The following SET variants were observed in gnomAD, a reference collection of about 807,000 sequenced individuals.
SET encodes protein SET.
A neutral mutation model predicts 39.0 loss-of-function variants in SET; 4 were observed. The observed-to-expected ratio is 0.10, with a 90% CI of 0.05 to 0.23. The LOEUF (loss-of-function observed/expected upper bound fraction) is 0.23. Ranked by LOEUF, SET falls within the 10% of genes least tolerant of loss-of-function variation. The pLI, the probability that SET is intolerant of heterozygous loss-of-function variation, is 1.00. For missense variants in SET, 137 were observed against 329.7 expected, an observed-to-expected ratio of 0.42 and a Z score of 4.53; for synonymous variants, 114 against 115.9, an observed-to-expected ratio of 0.98 and a Z score of 0.11.
intron 3 of SET, 160 bp from the exon 4 acceptor site, chr9:128,692,502 G>T (rs1160585424): frequency 5.9e-6 from 3 of 512,264 alleles, no homozygotes; most frequent in East Asian, 3.5e-5. Context: ...CTTGATGAAA[G>T]ATAGTGACAG....
chr9:128,693,524 A>C, intron 5 of SET, 114 bp from the exon 6 acceptor site: 1 of 1,042,514 alleles, frequency 9.6e-7, no homozygotes, highest in Non-Finnish European at 1.4e-6. Flanking sequence ...TAGCGTAGAT[A>C]GTATACTGAT....
intron 1 of SET, chr9:128,690,006 AGCC>A (rs759628911): frequency 2.1e-4 from 216 of 1,029,080 alleles, no homozygotes; most frequent in South Asian, 9.2e-4. Context: ...CGCTCCCATC[AGCC>A]GCCGCCGCCG....
At chr9:128,683,976 A>C (rs1280523784) in exon 1 of SET, 3 of 1,556,398 alleles carry the variant, frequency 1.9e-6, no homozygotes. Context: ...CGGAGGAGAC[A>C]TCGGCCTCTG....
chr9:128,691,647 A>G (rs970427484), intron 2 of SET, among the ~76,000 whole-genome samples: 28 of 152,150 alleles, frequency 1.8e-4, no homozygotes, highest in African/African-American at 5.3e-4. Context: ...GAGTTTGGGC[A>G]CTCTTAACAG....
chr9:128,687,608 C>T (rs1215589944), upstream of SET, among the ~76,000 whole-genome samples: 28 of 116,254 alleles, frequency 2.4e-4, no homozygotes, highest in African/African-American at 8.9e-4. Flanking sequence ...ACTTGGTCCC[C>T]TCCCCCACCA....
chr9:128,684,517 A>C (rs1373935091), upstream of SET, among the ~76,000 whole-genome samples: 2 of 151,034 alleles, frequency 1.3e-5, no homozygotes, highest in Non-Finnish European at 2.9e-5. Flanking sequence ...CACGTGGCCC[A>C]CTCCCCGGCT....
intron 3 of SET, among the ~76,000 whole-genome samples, 166 bp downstream of exon 3, chr9:128,692,166 C>T (rs1288371857): frequency 6.6e-6 from 1 of 152,088 alleles, no homozygotes; most frequent in East Asian, 1.9e-4. Flanking sequence ...GTGGGTGGAT[C>T]ACTTGAGGTC....
intron 1 of SET, 38 bp downstream of exon 1, chr9:128,689,693 A>C: frequency 1.5e-6 from 1 of 656,618 alleles, no homozygotes; most frequent in African/African-American, 2.0e-5. Flanking sequence ...CCGCGCCGCC[A>C]TCTTCGCCGC....
chr9:128,692,323 G>A (rs1861567669), intron 3 of SET: 1 of 284,584 alleles, frequency 3.5e-6, no homozygotes, highest in Non-Finnish European at 6.6e-6. Flanking sequence ...CTTGAACCCA[G>A]GAGGGGGAGG....
In SET at chr9:128,689,234, G is replaced by C. The variant is rs1469638109; in HGVS notation, c.-349G>C. 1.0e-6 allele frequency: 1 copy of C among 998,824 alleles called. No individual in the cohort carries two copies. The highest frequency in any genetic ancestry group is 1.2e-6 in the Non-Finnish European group (1 of 838,294). 61.9% of individuals were successfully genotyped at this position (998,824 alleles called of 1,614,324 possible). On this transcript the variant is annotated 5_prime_UTR_variant, in exon 1 of 8. Transcript: ENST00000322030. ...GCCCTGCGCCCGCCCCTCGCCGTAG[G>C]AGGAGGTGGAGGAGGAGGCGGCTCG...
chr9:128,693,799 G>A lies in SET; in HGVS notation c.654G>A (p.Gln218=), dbSNP rs777172615. The part of the protein sequence containing the change: ...IKDDIWPNPL[Q]YYLVPDMDDE... ...ATGATATTTGGCCAAACCCATTACA[G>A]TACTACTTGGTGAGTTCTAATACTC... The change falls in exon 6 of 8, where the codon CAG becomes CAA. Residue 218 remains glutamine (Q), a synonymous_variant. Coordinates refer to ENST00000322030, the MANE Select transcript of SET (RefSeq NM_003011.4). The A allele has an allele frequency of 1.6e-5, 25 of 1,612,848 alleles. No homozygotes were observed. The East Asian group carries it at 4.9e-4, about 32-fold the overall frequency.
At position 128,696,107 on chromosome 9, in the gene SET, T is replaced by C. The variant is rs1234197582; in HGVS notation, c.*1443T>C. On this transcript the variant is annotated 3_prime_UTR_variant, in exon 8 of 8. Transcript: ENST00000322030. ...CTCAGCTCTGTCTGCTCAATGCCAT[T>C]GTGCAGAGAAGCACCCTAATGCATA... 1 of 221,710 alleles carries C rather than the reference T, an allele frequency of 4.5e-6. No homozygotes were observed. The highest frequency in any genetic ancestry group is 9.1e-6 in the Non-Finnish European group (1 of 109,806). The allele number at this position is 221,710 out of a possible 1,614,324, so 13.7% of individuals were successfully genotyped here.
At chr9:128,689,015 G>A (rs1350532356), upstream of SET, among the ~76,000 whole-genome samples, 1 of 151,166 alleles carries the variant, frequency 6.6e-6, no homozygotes, top group Admixed American at 6.6e-5. Flanking sequence ...GGGCCGGAGA[G>A]GGGAGAGCGG....
intron 2 of SET, 114 bp from the exon 3 acceptor site, chr9:128,691,738 TATTATA>T (rs1209295322): frequency 1.5e-5 from 14 of 941,928 alleles, no homozygotes; most frequent in Admixed American, 2.9e-5. Flanking sequence ...TGATAATGGT[TATTATA>T]ATTTGGTTAT....
chr9:128,683,702 G>C, exon 1 of SET: 1 of 507,794 alleles, frequency 2.0e-6, no homozygotes, highest in South Asian at 2.8e-5. Flanking sequence ...AATTTCTCCT[G>C]ATTGGAGGGT....
Position 128,693,979 on chromosome 9 carries a change from C to T in SET, c.747C>T (p.Asp249=), listed in dbSNP as rs755634003. ...DEEEEGLEDI[D]EEGDEDEGEE... ...AGGAGGAAGGATTAGAAGATATTGA[C>T]GAAGAAGGGGATGAGGATGAAGGTG... is the stretch of plus-strand genomic sequence containing the variant. The change falls in exon 7 of 8, where the codon GAC becomes GAT. Residue 249 remains aspartate (D), a synonymous_variant. Coordinates refer to ENST00000322030, the MANE Select transcript of SET (RefSeq NM_003011.4). The T allele has an allele frequency of 3.5e-5, 54 of 1,544,790 alleles. No homozygotes were observed. The highest frequency in any genetic ancestry group is 1.0e-4 in the South Asian group (9 of 88,484).
chr9:128,691,245 A>T lies in SET; in HGVS notation c.131+18A>T, dbSNP rs1010572554. The T allele has an allele frequency of 1.3e-6, 2 of 1,536,122 alleles. No homozygotes were observed. The highest frequency in any genetic ancestry group is 3.5e-5 in the Admixed American group (2 of 56,748). On this transcript the variant is annotated intron_variant, in intron 2 of 7. Coordinates refer to ENST00000322030, the MANE Select transcript of SET (RefSeq NM_003011.4). Reference sequence around the variant, plus strand: ...ATAGACAGGTAACATTTTTCTTAATATACTTCGGAGAAATTTTCTGAGATG... The same window carrying T: ...ATAGACAGGTAACATTTTTCTTAATTTACTTCGGAGAAATTTTCTGAGATG...
intron 3 of SET, 116 bp downstream of exon 3, chr9:128,692,116 C>T (rs1259753719): frequency 2.5e-5 from 31 of 1,238,838 alleles, no homozygotes; most frequent in Non-Finnish European, 3.1e-5. Context: ...AGGCTGGGTG[C>T]GGTGGCGCAC....
chr9:128,694,846 G>C lies in SET; in HGVS notation c.*182G>C, dbSNP rs10988093. The C allele has an allele frequency of 1.1e-5, 5 of 437,324 alleles. No homozygotes were observed. The highest frequency in any genetic ancestry group is 1.9e-5 in the Non-Finnish European group (5 of 256,536). The allele number at this position is 437,324 out of a possible 1,614,324, so 27.1% of individuals were successfully genotyped here. Reference sequence around the variant, plus strand: ...TATTTGGGGGGAAATACCTTGAGCAGAATACAATGGGAAAAGAGTCTCTAC... The same window carrying C: ...TATTTGGGGGGAAATACCTTGAGCACAATACAATGGGAAAAGAGTCTCTAC... On this transcript the variant is annotated 3_prime_UTR_variant, in exon 8 of 8. Coordinates refer to ENST00000322030, the MANE Select transcript of SET (RefSeq NM_003011.4).
Sources: gnomAD v4.1 joint callset for allele counts (sites outside exome capture counted in the v4.1 genomes callset) on GRCh38, gnomAD v4.1.1 for gene constraint, MANE v1.5 for transcripts, NCBI Gene and HGNC (gene_info 2026-07-23, HGNC 2026-07-21) for gene names.